F10: variants seen among roughly 807,000 people sequenced by gnomAD.
The protein encoded by F10 is coagulation factor X.
Under a neutral mutation model 37.1 loss-of-function variants are expected in F10, and 29 were observed. That is an observed-to-expected ratio of 0.78 (90% CI 0.58 to 1.07). The LOEUF (loss-of-function observed/expected upper bound fraction) is 1.07. Ranked by LOEUF, F10 falls within the 50% of genes least tolerant of loss-of-function variation. The pLI, the probability that F10 is intolerant of heterozygous loss-of-function variation, is 0.00. For missense variants in F10, 539 were observed against 667.9 expected, an observed-to-expected ratio of 0.81 and a Z score of 2.13; for synonymous variants, 262 against 268.6, an observed-to-expected ratio of 0.98 and a Z score of 0.24.
Position 113,143,963 on chromosome 13 carries a change from A to T in F10, c.615A>T (p.Ala205=). 6.2e-7 allele frequency: 1 copy of T among 1,610,856 alleles called. No individual in the cohort carries two copies. The highest frequency in any genetic ancestry group is 8.5e-7 in the Non-Finnish European group (1 of 1,179,030). The change falls in exon 6 of 8, where the codon GCA becomes GCT. Residue 205 remains alanine, a synonymous_variant. Coordinates refer to ENST00000375559, the MANE Select transcript of F10 (RefSeq NM_000504.4). This position sits in a 1 kb window ranked among gnomAD's most constrained non-coding sequence, Gnocchi z 6.8. ...PDSITWKPYD[A]ADLDPTENPF... is the part of the protein sequence containing the mutation. ...GCATCACATGGAAGCCATATGATGCAGCCGACCTGGACCCCACCGAGAACC... is the reference window on the plus strand; with the variant it reads ...GCATCACATGGAAGCCATATGATGCTGCCGACCTGGACCCCACCGAGAACC...
Position 113,139,287 on chromosome 13 carries a change from C to A in F10, c.257-70C>A. ...ATCTGAACGGCAGGGCCAAGGTTAGCACAGCAAAACTGTTTCCATGATGCC... is the reference window on the plus strand; with the variant it reads ...ATCTGAACGGCAGGGCCAAGGTTAGAACAGCAAAACTGTTTCCATGATGCC... On this transcript the variant is annotated intron_variant, in intron 3 of 7. Transcript: ENST00000375559. This position sits in a 1 kb window ranked among gnomAD's most constrained non-coding sequence, Gnocchi z 5.2. 7.7e-7 allele frequency: 1 copy of A among 1,305,864 alleles called. No individual in the cohort carries two copies. Among genetic ancestry groups the A allele is most frequent in the East Asian group, 2.4e-5 (1 of 42,172 alleles). 80.9% of individuals were successfully genotyped at this position (1,305,864 alleles called of 1,614,324 possible).
chr13:113,129,397 G>GGGAGCCTGGGTGAAGA lies in F10; in HGVS notation c.71-42_71-41insAGAGGAGCCTGGGTGA, dbSNP rs45507496. ...TGGCAGTCAGGGAGCATAGGTGAGG[G>GGGAGCCTGGGTGAAGA]GGAGCCTGGGTGAGGGTGACCAGAG... is the stretch of plus-strand genomic sequence containing the variant. On this transcript the variant is annotated intron_variant, in intron 1 of 7. Coordinates refer to ENST00000375559, the MANE Select transcript of F10 (RefSeq NM_000504.4). 0.14 allele frequency: 221,216 copies of GGGAGCCTGGGTGAAGA among 1,602,334 alleles called. 16,619 individuals are homozygous for GGGAGCCTGGGTGAAGA. The highest frequency in any genetic ancestry group is 0.22 in the South Asian group (19,744 of 90,476).
Position 113,146,690 on chromosome 13 carries a change from G to A in F10, c.748-689G>A, listed in dbSNP as rs965929298. 5.3e-5 allele frequency among the ~76,000 whole-genome samples: 8 copies of A among 152,122 alleles called. No individual in the cohort carries two copies. Among genetic ancestry groups the A allele is most frequent in the East Asian group, 3.9e-4 (2 of 5,192 alleles). On this transcript the variant is annotated intron_variant, in intron 6 of 7. Transcript: ENST00000375559. The surrounding 1 kb of genome is among the most constrained non-coding windows in gnomAD (Gnocchi z 4.5). Reference sequence around the variant, plus strand: ...TGTTTTAAGAAATGTTTTAAGACTCGGTATTGTCAGTAGTTTCATTGGTCT... The same window carrying A: ...TGTTTTAAGAAATGTTTTAAGACTCAGTATTGTCAGTAGTTTCATTGGTCT...
chr13:113,129,444 C>T lies in F10; in HGVS notation c.71-8C>T, dbSNP rs374210821. On this transcript the variant is annotated splice_polypyrimidine_tract_variant and splice_region_variant and intron_variant, in intron 1 of 7. Transcript: ENST00000375559. ...AGAGCTTTTAACCCTGTCCTCCCTG[C>T]CTTCCAGTGTTCATCCGCAGGGAGC... is the stretch of plus-strand genomic sequence containing the variant. 980 of 1,613,334 alleles carry T rather than the reference C, an allele frequency of 6.1e-4. 5 individuals carry two copies. In the South Asian group the frequency reaches 8.7e-3, roughly 14 times the overall value.
At chr13:113,124,223 C>T (rs1416274753) in intron 1 of F10, among the ~76,000 whole-genome samples, 1 of 152,240 alleles carries the variant, frequency 6.6e-6, no homozygotes, top group Non-Finnish European at 1.5e-5. Flanking sequence ...GGCAGGACTC[C>T]TCTTCCTGGG....
Position 113,148,988 on chromosome 13 carries a change from G to A in F10, c.938G>A (p.Arg313Gln), listed in dbSNP as rs774958168. 3.1e-6 allele frequency: 5 copies of A among 1,613,534 alleles called. No homozygotes were observed. The highest frequency in any genetic ancestry group is 2.2e-5 in the South Asian group (2 of 91,060). Residue 313 changes from arginine (R) to glutamine (Q), a missense_variant, in exon 8 of 8, where the codon CGG (arginine) becomes CAG (glutamine). Arg to Gln is a conservative substitution (Grantham distance 43). This residue lies in a region of F10 where 409 missense variants were observed against 547.9 expected (regional missense o/e 0.75). Coordinates refer to ENST00000375559, the MANE Select transcript of F10 (RefSeq NM_000504.4). ...HEVEVVIKHN[R>Q]FTKETYDFDI... Reference sequence around the variant, plus strand: ...GTGGAGGTGGTCATCAAGCACAACCGGTTCACAAAGGAGACCTATGACTTC... The same window carrying A: ...GTGGAGGTGGTCATCAAGCACAACCAGTTCACAAAGGAGACCTATGACTTC...
At chr13:113,124,246 G>C (rs2142246450) in intron 1 of F10, among the ~76,000 whole-genome samples, 1 of 152,364 alleles carries the variant, frequency 6.6e-6, no homozygotes, top group South Asian at 2.1e-4. Flanking sequence ...GAAGCAGAGG[G>C]TGGGGATGAG....
rs2036587073 is a variant in F10 at position 113,146,866 on chromosome 13, A to G, written c.748-513A>G. 6.6e-6 allele frequency among the ~76,000 whole-genome samples: 1 copy of G among 152,102 alleles called. No homozygotes were observed. Among genetic ancestry groups the G allele is most frequent in the Admixed American group, 6.5e-5 (1 of 15,280 alleles). ...CTTGCTCCCCTGGGACCGTGTTCCAAGTCCTGGCAGGTAGGAGACCCTTCA... is the reference window on the plus strand; with the variant it reads ...CTTGCTCCCCTGGGACCGTGTTCCAGGTCCTGGCAGGTAGGAGACCCTTCA... On this transcript the variant is annotated intron_variant, in intron 6 of 7. Transcript: ENST00000375559. This position sits in a 1 kb window ranked among gnomAD's most constrained non-coding sequence, Gnocchi z 4.5.
At chr13:113,145,485 T>TAAACAAAAG (rs2036574005) in intron 6 of F10, among the ~76,000 whole-genome samples, 1 of 152,258 alleles carries the variant, frequency 6.6e-6, no homozygotes, top group African/African-American at 2.4e-5. Flanking sequence ...AGAAATACTT[T>TAAACAAAAG]CAGTGTAAGT....
In F10 at chr13:113,149,487, G is replaced by A. The variant is rs144742246; in HGVS notation, c.1437G>A (p.Pro479=). 2.5e-5 allele frequency: 40 copies of A among 1,613,200 alleles called. No individual in the cohort carries two copies. Among genetic ancestry groups the A allele is most frequent in the African/African-American group, 2.1e-4 (16 of 75,074 alleles). ...RGLPKAKSHA[P]EVITSSPLK is the part of the protein sequence containing the mutation. ...TGCCCAAGGCCAAGAGCCATGCCCCGGAGGTCATAACGTCCTCTCCATTAA... is the reference window on the plus strand; with the variant it reads ...TGCCCAAGGCCAAGAGCCATGCCCCAGAGGTCATAACGTCCTCTCCATTAA... The change falls in exon 8 of 8, where the codon CCG becomes CCA. Residue 479 remains proline (P), a synonymous_variant. Coordinates refer to ENST00000375559, the MANE Select transcript of F10 (RefSeq NM_000504.4). The surrounding 1 kb of genome is among the most constrained non-coding windows in gnomAD (Gnocchi z 7.5).
chr13:113,129,488 C>A lies in F10; in HGVS notation c.107C>A (p.Ala36Glu), dbSNP rs2036405879. 1.2e-6 allele frequency: 2 copies of A among 1,613,946 alleles called. No homozygotes were observed. Among genetic ancestry groups the A allele is most frequent in the East Asian group, 2.2e-5 (1 of 44,870 alleles). The change falls in exon 2 of 8, where the codon GCG becomes GAG. Residue 36 changes from alanine to glutamate, a missense_variant. Coordinates refer to ENST00000375559, the MANE Select transcript of F10 (RefSeq NM_000504.4). The part of the protein sequence containing the change: ...IRREQANNIL[A>E]RVTRANSFLE... ...AGGGAGCAGGCCAACAACATCCTGGCGAGGGTCACGAGGGCCAATTCCTTT... is the reference window on the plus strand; with the variant it reads ...AGGGAGCAGGCCAACAACATCCTGGAGAGGGTCACGAGGGCCAATTCCTTT...
intron 4 of F10, 102 bp from the exon 5 acceptor site, chr13:113,140,817 G>A (rs190349537): frequency 2.1e-5 from 33 of 1,580,608 alleles, no homozygotes; most frequent in Admixed American, 6.7e-5. Context: ...CCCAATGGCC[G>A]CTTTGTGGCT....
intron 2 of F10, among the ~76,000 whole-genome samples, chr13:113,137,411 A>G (rs1033871022): frequency 1.3e-5 from 2 of 152,286 alleles, no homozygotes; most frequent in East Asian, 3.9e-4. Context: ...CTGCATCCTG[A>G]TGATGCTGGT....
chr13:113,125,195 T>C lies in F10; in HGVS notation c.70+2270T>C, dbSNP rs565538338. ...CTGTGAGTGTTTTCTGCAATCCAAC[T>C]TTTTATTTTAATAAAATCAGAATAC... On this transcript the variant is annotated intron_variant, in intron 1 of 7. Transcript: ENST00000375559. 8.5e-5 allele frequency among the ~76,000 whole-genome samples: 13 copies of C among 152,346 alleles called. No individual in the cohort carries two copies. In the South Asian group the frequency reaches 2.1e-3, roughly 24 times the overall value.
rs1453486758 is a variant in F10, at chr13:113,147,405, G to C, written c.774G>C (p.Glu258Asp). 6.2e-7 allele frequency: 1 copy of C among 1,613,576 alleles called. No individual in the cohort carries two copies. Among genetic ancestry groups the C allele is most frequent in the African/African-American group, 1.3e-5 (1 of 74,904 alleles). The change falls in exon 7 of 8, where the codon GAG becomes GAC. Residue 258 changes from glutamate (E) to aspartate (D), a missense_variant. This residue lies in a region of F10 where 409 missense variants were observed against 547.9 expected (regional missense o/e 0.75). Transcript: ENST00000375559. ...WQALLINEENEGFCGGTILSE... is the reference protein window; with the variant it reads ...WQALLINEENDGFCGGTILSE... ...CCCTGCTCATCAATGAGGAAAACGA[G>C]GGTTTCTGTGGTGGAACCATTCTGA...
At chr13:113,125,973 C>T (rs989233595) in intron 1 of F10, among the ~76,000 whole-genome samples, 2 of 151,758 alleles carry the variant, frequency 1.3e-5, no homozygotes, top group Non-Finnish European at 2.9e-5. Flanking sequence ...GAGGGTGTCT[C>T]GGAGGGCGCT....
Position 113,143,056 on chromosome 13 carries a change from C to T in F10, c.503-795C>T, listed in dbSNP as rs545711206. Among the ~76,000 whole-genome samples, 6 of 152,228 alleles carry T rather than the reference C, an allele frequency of 3.9e-5. No individual in the cohort carries two copies. Among genetic ancestry groups the T allele is most frequent in the East Asian group, 1.9e-4 (1 of 5,190 alleles). ...AGGCCCCTGCGGCTGGCAGATTCAC[C>T]GGAGCCTCCTCAGACTGCGCAGGAG... On this transcript the variant is annotated intron_variant, in intron 5 of 7. Transcript: ENST00000375559. This position sits in a 1 kb window ranked among gnomAD's most constrained non-coding sequence, Gnocchi z 6.8.
rs139872622 is a variant in F10 at position 113,140,235 on chromosome 13, G to T, written c.371-684G>T. Among the ~76,000 whole-genome samples, 37 of 151,898 alleles carry T rather than the reference G, an allele frequency of 2.4e-4. 1 individual carries two copies. The East Asian group carries it at 7.2e-3, about 29-fold the overall frequency. On this transcript the variant is annotated intron_variant, in intron 4 of 7. Coordinates refer to ENST00000375559, the MANE Select transcript of F10 (RefSeq NM_000504.4). ...ACTATAGGCCCCGGCCACCAGTCCC[G>T]GCTAATTTTTTTTTTTTTTAATTTT...
chr13:113,143,746 C>CATTAAAAAAAAAA lies in F10; in HGVS notation c.503-105_503-104insATTAAAAAAAAAA. The stretch of plus-strand genomic sequence containing the variant: ...CCCGCTGCCCCTCCGGGTGCCCCTG[C>CATTAAAAAAAAAA]GCTCTGCCTCCCGGCTCTCTGACTC... On this transcript the variant is annotated intron_variant, in intron 5 of 7. Transcript: ENST00000375559. The surrounding 1 kb of genome is among the most constrained non-coding windows in gnomAD (Gnocchi z 6.8). 1 of 1,564,034 alleles carries CATTAAAAAAAAAA rather than the reference C, an allele frequency of 6.4e-7. No individual in the cohort carries two copies. Among genetic ancestry groups the CATTAAAAAAAAAA allele is most frequent in the African/African-American group, 1.3e-5 (1 of 74,102 alleles).
Sources: allele counts gnomAD v4.1 joint callset (sites outside exome capture counted in the v4.1 genomes callset), GRCh38; gene constraint gnomAD v4.1.1; regional missense constraint gnomAD v4.1.1; non-coding constraint Gnocchi (gnomAD v3.1); transcripts MANE v1.5; gene names NCBI Gene and HGNC (gene_info 2026-07-23, HGNC 2026-07-21).